Variants in ELOA observed in about 807,000 individuals in gnomAD.
ELOA encodes elongin-A.
Under a neutral mutation model 85.2 loss-of-function variants are expected in ELOA, and 15 were observed. The observed-to-expected ratio is 0.18, with a 90% CI of 0.12 to 0.27. The LOEUF is 0.27. ELOA is among the 10% of genes least tolerant of loss of function. The pLI, the probability that ELOA is intolerant of heterozygous loss-of-function variation, is 1.00. For synonymous variants in ELOA, 348 were observed against 357.2 expected (o/e 0.97, Z 0.29); for missense variants, 769 against 952.7 (o/e 0.81, Z 2.54).
chr1:23,756,965 C>T lies in ELOA; in HGVS notation c.2097C>T (p.Ala699=). 1 of 1,543,378 alleles carries T rather than the reference C, an allele frequency of 6.5e-7. No individual in the cohort carries two copies. The highest frequency in any genetic ancestry group is 8.7e-7 in the Non-Finnish European group (1 of 1,149,138). ...AVPEKIKIKP[A]PYPMGSSHAS... ...TCCTGTGTTGCAGGATCAAGCCAGC[C>T]CCGTACCCCATGGGAAGCAGCCATG... Residue 699 remains alanine (A), a synonymous_variant, in exon 10 of 11, where the codon GCC becomes GCT. Coordinates refer to ENST00000613537, the MANE Select transcript of ELOA (RefSeq NM_003198.3).
In ELOA at chr1:23,755,912, G is replaced by A. The variant is rs78642828; in HGVS notation, c.1861G>A (p.Glu621Lys). Reference protein sequence around the residue: ...CHRDFKEERPEEYESWREMYL... With the variant: ...CHRDFKEERPKEYESWREMYL... Reference sequence around the variant, plus strand: ...CCGAGACTTTAAGGAAGAAAGACCCGAAGAGTATGAGTCGTGGCGAGAGAT... The same window carrying A: ...CCGAGACTTTAAGGAAGAAAGACCCAAAGAGTATGAGTCGTGGCGAGAGAT... Residue 621 changes from glutamate to lysine, a missense_variant, in exon 8 of 11, where the codon GAA becomes AAA. Glu to Lys is a moderately conservative substitution (Grantham distance 56, BLOSUM62 1). Coordinates refer to ENST00000613537, the MANE Select transcript of ELOA (RefSeq NM_003198.3). 6,532 of 1,613,880 alleles carry A rather than the reference G, an allele frequency of 4.0e-3. 23 individuals carry two copies. The highest frequency in any genetic ancestry group is 5.1e-3 in the Non-Finnish European group (6,053 of 1,179,982).
At chr1:23,746,142 A>G (rs573515405) in intron 1 of ELOA, among the ~76,000 whole-genome samples, 94 of 151,496 alleles carry the variant, frequency 6.2e-4, no homozygotes, top group African/African-American at 2.2e-3. Context: ...TACGAAAATT[A>G]GCCAGGTGTG....
chr1:23,747,446 T>G (rs2124457202), intron 1 of ELOA, among the ~76,000 whole-genome samples: 1 of 152,296 alleles, frequency 6.6e-6, no homozygotes, highest in African/African-American at 2.4e-5. Context: ...TTAGTGGGAA[T>G]GAAATGAGGT....
At chr1:23,754,687 A>G (rs533477843) in intron 7 of ELOA, among the ~76,000 whole-genome samples, 35 of 152,290 alleles carry the variant, frequency 2.3e-4, no homozygotes, top group African/African-American at 8.2e-4. Context: ...ATTCAAAGGG[A>G]GAAGAAAAAC....
Position 23,761,305 on chromosome 1 carries a change from G to A in ELOA, c.*1732G>A, listed in dbSNP as rs1478258666. 1 of 152,102 alleles carries A rather than the reference G, an allele frequency of 6.6e-6. No individual in the cohort carries two copies. Among genetic ancestry groups the A allele is most frequent in the East Asian group, 1.9e-4 (1 of 5,198 alleles). 9.4% of individuals were successfully genotyped at this position (152,102 alleles called of 1,614,324 possible). A position where few individuals can be genotyped will look rare whatever the true frequency, so the allele number is the denominator to read the frequency against. ...TCTAATATTAGGAAGCCTCTTAACTGAAACCAAATGAACATTTGGGTCAGG... is the reference window on the plus strand; with the variant it reads ...TCTAATATTAGGAAGCCTCTTAACTAAAACCAAATGAACATTTGGGTCAGG... On this transcript the variant is annotated 3_prime_UTR_variant, in exon 11 of 11. Transcript: ENST00000613537.
chr1:23,743,509 G>T lies in ELOA; in HGVS notation c.6G>T (p.Ala2=), dbSNP rs761529812. The T allele has an allele frequency of 1.5e-5, 22 of 1,504,922 alleles. No homozygotes were observed. In the South Asian group the frequency reaches 2.7e-4, roughly 19 times the overall value. 93.2% of individuals were successfully genotyped at this position (1,504,922 alleles called of 1,614,324 possible). A position where few individuals can be genotyped will look rare whatever the true frequency, so the allele number is the denominator to read the frequency against. The change falls in exon 1 of 11, where the codon GCG becomes GCT. Residue 2 remains alanine, a synonymous_variant. Coordinates refer to ENST00000613537, the MANE Select transcript of ELOA (RefSeq NM_003198.3). ...AGGCCGCGCCAGTGACAGCGATGGC[G>T]GCGGAGTCGGCGCTCCAAGTTGTGG... M[A]AESALQVVEK...
intron 1 of ELOA, chr1:23,743,990 C>A (rs1644735601): frequency 6.3e-6 from 1 of 158,652 alleles, no homozygotes; most frequent in Admixed American, 6.5e-5. Flanking sequence ...GGCGCGGACT[C>A]CCCAGCGGGT....
At chr1:23,755,772 T>G in intron 7 of ELOA, 71 bp from the exon 8 acceptor site, 2 of 1,440,034 alleles carry the variant, frequency 1.4e-6, no homozygotes, top group Non-Finnish European at 1.9e-6. Flanking sequence ...AGAGCAAGAC[T>G]CTGTCTCAAA....
intron 8 of ELOA, 47 bp downstream of exon 8, chr1:23,756,070 C>G: frequency 6.3e-7 from 1 of 1,595,706 alleles, no homozygotes; most frequent in Non-Finnish European, 8.5e-7. Flanking sequence ...GATGAGTGTT[C>G]TGGTCAATAG....
At position 23,751,670 on chromosome 1, in the gene ELOA, A is replaced by G; in HGVS notation, c.1065A>G (p.Gly355=). The G allele has an allele frequency of 6.2e-7, 1 of 1,614,236 alleles. No homozygotes were observed. Among genetic ancestry groups the G allele is most frequent in the South Asian group, 1.1e-5 (1 of 91,084 alleles). ...LDSFDTGKGA[G]DLLPKVKEKG... ...GCTTTGACACAGGAAAAGGAGCAGGAGACCTGTTGCCCAAGGTAAAAGAGA... is the reference window on the plus strand; with the variant it reads ...GCTTTGACACAGGAAAAGGAGCAGGGGACCTGTTGCCCAAGGTAAAAGAGA... Residue 355 remains glycine (G), a synonymous_variant, in exon 4 of 11, where the codon GGA becomes GGG. Coordinates refer to ENST00000613537, the MANE Select transcript of ELOA (RefSeq NM_003198.3).
At chr1:23,747,554 C>T (rs72872156) in intron 1 of ELOA, among the ~76,000 whole-genome samples, 3,092 of 152,264 alleles carry the variant, frequency 0.02, 94 homozygotes, top group African/African-American at 0.069. Context: ...GAGAGAACCA[C>T]TTGTTTTTGA....
At position 23,750,944 on chromosome 1, in the gene ELOA, A is replaced by G. The variant is rs753801224; in HGVS notation, c.339A>G (p.Gln113=). Residue 113 remains glutamine (Q), a synonymous_variant, in exon 4 of 11, where the codon CAA becomes CAG. Coordinates refer to ENST00000613537, the MANE Select transcript of ELOA (RefSeq NM_003198.3). ...AGGAGGAGATGGAGGGGGACTACCA[A>G]GAAACCTGGAAAGCCACGGGGAGCC... ...QKEEEMEGDY[Q]ETWKATGSRS... The G allele has an allele frequency of 1.2e-6, 2 of 1,614,066 alleles. No individual in the cohort carries two copies. The highest frequency in any genetic ancestry group is 1.7e-5 in the Admixed American group (1 of 60,010).
chr1:23,744,238 C>T (rs1644736724), intron 1 of ELOA: 1 of 152,276 alleles, frequency 6.6e-6, no homozygotes, highest in South Asian at 2.1e-4. Flanking sequence ...TTGGAAGTCG[C>T]AGCTAGGTTT....
chr1:23,751,325 T>C lies in ELOA; in HGVS notation c.720T>C (p.Ser240=). 6.2e-7 allele frequency: 1 copy of C among 1,613,670 alleles called. No individual in the cohort carries two copies. The highest frequency in any genetic ancestry group is 8.5e-7 in the Non-Finnish European group (1 of 1,179,922). ...LGEPHGKGVV[S]QNKEHKSSHK... is the part of the protein sequence containing the mutation. ...AACCCCATGGGAAAGGGGTTGTGAG[T>C]CAAAACAAGGAGCACAAATCTTCCC... The change falls in exon 4 of 11, where the codon AGT becomes AGC. Residue 240 remains serine (S), a synonymous_variant. Transcript: ENST00000613537.
At chr1:23,758,726 C>G (rs1225735901) in intron 10 of ELOA, among the ~76,000 whole-genome samples, 1 of 151,654 alleles carries the variant, frequency 6.6e-6, no homozygotes, top group Non-Finnish European at 1.5e-5. Flanking sequence ...GGTGGGAGTC[C>G]TGGCTTGAGC....
At chr1:23,747,595 G>T (rs1214961678) in intron 1 of ELOA, among the ~76,000 whole-genome samples, 1 of 152,192 alleles carries the variant, frequency 6.6e-6, no homozygotes, top group African/African-American at 2.4e-5. Context: ...TTTCCTTTAA[G>T]TGAAGGAATT....
At chr1:23,745,578 G>A (rs978081464) in intron 1 of ELOA, among the ~76,000 whole-genome samples, 2 of 149,512 alleles carry the variant, frequency 1.3e-5, no homozygotes, top group African/African-American at 2.5e-5. Context: ...TTCTAGCTTT[G>A]CATTGTGAAG....
Position 23,760,494 on chromosome 1 carries a change from T to TA in ELOA, c.*921_*922insA, listed in dbSNP as rs1315421700. On this transcript the variant is annotated 3_prime_UTR_variant, in exon 11 of 11. Coordinates refer to ENST00000613537, the MANE Select transcript of ELOA (RefSeq NM_003198.3). ...AAGGAAAAACACACACGGCAGGGCTTTTTGTAGCCCTGAAGGCAACTTTAG... is the reference window on the plus strand; with the variant it reads ...AAGGAAAAACACACACGGCAGGGCTTATTTGTAGCCCTGAAGGCAACTTTAG... 2 of 152,194 alleles carry TA rather than the reference T, an allele frequency of 1.3e-5. No individual in the cohort carries two copies. Among genetic ancestry groups the TA allele is most frequent in the African/African-American group, 4.8e-5 (2 of 41,444 alleles). 9.4% of individuals were successfully genotyped at this position (152,194 alleles called of 1,614,324 possible).
At chr1:23,756,129 A>C in intron 8 of ELOA, 106 bp downstream of exon 8, 5 of 1,471,664 alleles carry the variant, frequency 3.4e-6, no homozygotes, top group Non-Finnish European at 4.6e-6. Flanking sequence ...CCCCTACATC[A>C]GGTAGCAGGG....
Sources: allele counts gnomAD v4.1 joint callset (sites outside exome capture counted in the v4.1 genomes callset), GRCh38; gene constraint gnomAD v4.1.1; transcripts MANE v1.5; gene names NCBI Gene and HGNC (gene_info 2026-07-23, HGNC 2026-07-21).